Variants in ROBO1 observed in about 807,000 individuals in gnomAD.
The protein encoded by ROBO1 is roundabout homolog 1.
ROBO1 carries 149 observed loss-of-function variants against 195.9 expected under a neutral mutation model. The observed-to-expected ratio is 0.76, with a 90% CI of 0.67 to 0.87. ROBO1 has a LOEUF of 0.87. Ranked by LOEUF, ROBO1 falls within the 40% of genes least tolerant of loss-of-function variation. The probability of loss-of-function intolerance (pLI) is 0.00; values close to 1 mark genes in which losing one functional copy is unlikely to be tolerated. For synonymous variants in ROBO1, 816 were observed against 733.2 expected (o/e 1.11, Z -1.82); for missense variants, 1,933 against 2,068.3 (o/e 0.93, Z 1.27).
chr3:78,723,285 C>T (rs1350364), intron 5 of ROBO1, among the ~76,000 whole-genome samples: 152,136 of 152,292 alleles, frequency 1, 75,990 homozygotes, highest in Non-Finnish European at 1. Flanking sequence ...TACAGGTTTG[C>T]GGCCTAGGAG....
At chr3:79,570,773 A>G (rs1191090867) in intron 2 of ROBO1, among the ~76,000 whole-genome samples, 1 of 152,150 alleles carries the variant, frequency 6.6e-6, no homozygotes, top group South Asian at 2.1e-4. Flanking sequence ...AAAAAGTTAT[A>G]CTGGTTATCT....
At chr3:79,282,108 T>G (rs2031560160) in intron 2 of ROBO1, among the ~76,000 whole-genome samples, 1 of 152,130 alleles carries the variant, frequency 6.6e-6, no homozygotes, top group African/African-American at 2.4e-5. Flanking sequence ...TTCAATAAAA[T>G]GTGGTACATG....
intron 14 of ROBO1, among the ~76,000 whole-genome samples, chr3:78,665,307 A>G (rs1707667489): frequency 6.6e-6 from 1 of 152,208 alleles, no homozygotes; most frequent in Non-Finnish European, 1.5e-5. Flanking sequence ...TGTATCCGTC[A>G]GTCGGTTCAG....
At chr3:79,022,175 TAAG>T (rs1300461296) in intron 3 of ROBO1, among the ~76,000 whole-genome samples, 1 of 152,246 alleles carries the variant, frequency 6.6e-6, no homozygotes, top group Non-Finnish European at 1.5e-5. Flanking sequence ...TACGGATCTA[TAAG>T]AAGTGAAACT....
intron 5 of ROBO1, among the ~76,000 whole-genome samples, chr3:78,727,483 G>A (rs1418357395): frequency 1.3e-5 from 2 of 152,000 alleles, no homozygotes; most frequent in South Asian, 4.1e-4. Context: ...AAAATTATCC[G>A]GGCGTGGTGG....
intron 1 of ROBO1, among the ~76,000 whole-genome samples, chr3:79,760,582 T>G (rs1426441156): frequency 7.1e-6 from 1 of 140,802 alleles, no homozygotes; most frequent in East Asian, 2.1e-4. Context: ...ACTAGAGAAA[T>G]GGGTAAAAAT....
intron 7 of ROBO1, 55 bp from the exon 8 acceptor site, chr3:78,714,579 C>T (rs1001985679): frequency 6.6e-7 from 1 of 1,513,666 alleles, no homozygotes; most frequent in African/African-American, 1.4e-5. Flanking sequence ...TGAAAGATCT[C>T]ATTATTATAC....
chr3:78,910,958 C>T (rs1447146226), intron 4 of ROBO1, among the ~76,000 whole-genome samples: 1 of 151,842 alleles, frequency 6.6e-6, no homozygotes, highest in East Asian at 1.9e-4. Context: ...GGGAGTGAGG[C>T]CTAGCAATCT....
intron 8 of ROBO1, among the ~76,000 whole-genome samples, chr3:78,707,505 A>T (rs1431325040): frequency 6.6e-6 from 1 of 152,264 alleles, no homozygotes; most frequent in Non-Finnish European, 1.5e-5. Flanking sequence ...TTGTATGTCA[A>T]CAATAAATTT....
At chr3:78,636,941 A>T (rs886259687) in intron 22 of ROBO1, among the ~76,000 whole-genome samples, 5 of 95,854 alleles carry the variant, frequency 5.2e-5, no homozygotes, top group Non-Finnish European at 1.0e-4. Flanking sequence ...CATTTTATAT[A>T]TATATATATA....
rs1941377971 is a variant in ROBO1 at position 79,525,231 on chromosome 3, T to G, written c.88+64593A>C. Among the ~76,000 whole-genome samples the G allele has an allele frequency of 2.0e-5, 3 of 150,916 alleles. No homozygotes were observed. In the South Asian group the frequency reaches 6.3e-4, roughly 31 times the overall value. On this transcript the variant is annotated intron_variant, in intron 2 of 30. Transcript: ENST00000464233. ...TACTAGAATAAGGTTATGGTTAATT[T>G]TTTAGTCTTATTACACTATATGTAT...
At chr3:78,656,424 C>T (rs1004995695) in intron 18 of ROBO1, among the ~76,000 whole-genome samples, 1 of 147,054 alleles carries the variant, frequency 6.8e-6, no homozygotes, top group Non-Finnish European at 1.5e-5. Flanking sequence ...AATCTCGACT[C>T]ACTGCAAGCT....
intron 3 of ROBO1, among the ~76,000 whole-genome samples, chr3:78,953,913 T>C (rs1454669779): frequency 1.3e-5 from 2 of 152,074 alleles, no homozygotes; most frequent in African/African-American, 2.4e-5. Flanking sequence ...TTTTGGAAGC[T>C]GTCATAAGCA....
At chr3:79,138,665 C>T (rs1312514888) in intron 2 of ROBO1, among the ~76,000 whole-genome samples, 1 of 151,422 alleles carries the variant, frequency 6.6e-6, no homozygotes, top group Non-Finnish European at 1.5e-5. Flanking sequence ...GGATGATTAA[C>T]AAACTGGATA....
chr3:79,739,467 G>A (rs2107410084), intron 1 of ROBO1, among the ~76,000 whole-genome samples: 1 of 152,258 alleles, frequency 6.6e-6, no homozygotes, highest in African/African-American at 2.4e-5. Context: ...CTTAAGGGGA[G>A]TGCAAGTTTG....
intron 3 of ROBO1, among the ~76,000 whole-genome samples, chr3:79,024,793 G>A (rs1273730233): frequency 6.6e-6 from 1 of 152,154 alleles, no homozygotes; most frequent in Non-Finnish European, 1.5e-5. Context: ...CAGCTTTCCT[G>A]ATTAAACTGC....
At chr3:79,659,586 G>A (rs1946269236) in intron 1 of ROBO1, among the ~76,000 whole-genome samples, 1 of 150,276 alleles carries the variant, frequency 6.7e-6, no homozygotes. Context: ...CAGTTACGAT[G>A]TATGAACAAT....
At chr3:79,712,571 C>A (rs2107237300) in intron 1 of ROBO1, among the ~76,000 whole-genome samples, 1 of 152,170 alleles carries the variant, frequency 6.6e-6, no homozygotes, top group Non-Finnish European at 1.5e-5. Flanking sequence ...CAAGGTGAAG[C>A]AGCTAACGTA....
intron 1 of ROBO1, among the ~76,000 whole-genome samples, chr3:79,662,748 A>G (rs950544319): frequency 6.6e-6 from 1 of 152,072 alleles, no homozygotes; most frequent in Non-Finnish European, 1.5e-5. Context: ...TAAGGTTGCC[A>G]TGGAACAATG....
Sources: gnomAD v4.1 joint callset for allele counts (sites outside exome capture counted in the v4.1 genomes callset) on GRCh38, gnomAD v4.1.1 for gene constraint, MANE v1.5 for transcripts, NCBI Gene and HGNC (gene_info 2026-07-23, HGNC 2026-07-21) for gene names.